FGF14: variants seen among roughly 807,000 people sequenced by gnomAD.
FGF14 encodes fibroblast growth factor 14.
Under a neutral mutation model 25.5 loss-of-function variants are expected in FGF14, and 5 were observed. The observed-to-expected ratio is 0.20, with a 90% CI of 0.10 to 0.41. The LOEUF (loss-of-function observed/expected upper bound fraction) is 0.41. FGF14 is among the 10% of genes least tolerant of loss of function. FGF14 has a pLI of 1.00. For missense variants in FGF14, 222 were observed against 320.1 expected (o/e 0.69, Z 2.34); for synonymous variants, 138 against 118.3 (o/e 1.17, Z -1.08).
intron 1 of FGF14, among the ~76,000 whole-genome samples, chr13:102,172,408 A>C (rs544355314): frequency 6.6e-6 from 1 of 152,182 alleles, no homozygotes; most frequent in South Asian, 2.1e-4. Flanking sequence ...CTTAACATAG[A>C]CTTGGGGCAT....
intron 3 of FGF14, among the ~76,000 whole-genome samples, chr13:101,743,855 T>C (rs1257113233): frequency 6.6e-6 from 1 of 152,206 alleles, no homozygotes; most frequent in Non-Finnish European, 1.5e-5. Flanking sequence ...TATATATACA[T>C]ATATAATTGC....
intron 1 of FGF14, among the ~76,000 whole-genome samples, chr13:102,060,299 G>C (rs1595139772): frequency 1.3e-5 from 2 of 152,192 alleles, no homozygotes; most frequent in South Asian, 4.1e-4. Flanking sequence ...GCTGAGGCCG[G>C]GGGATCATGA....
intron 3 of FGF14, among the ~76,000 whole-genome samples, chr13:101,789,261 T>TA (rs1019672431): frequency 7.9e-5 from 12 of 152,046 alleles, no homozygotes; most frequent in African/African-American, 2.9e-4. Context: ...TCCCACCACT[T>TA]ATATTCTCTT....
chr13:101,879,291 T>C (rs940603873), intron 1 of FGF14, among the ~76,000 whole-genome samples: 1 of 152,224 alleles, frequency 6.6e-6, no homozygotes, highest in Non-Finnish European at 1.5e-5. Flanking sequence ...CACAAAACTC[T>C]GTGCTAACAA....
chr13:102,033,110 T>G (rs1219987863), intron 1 of FGF14, among the ~76,000 whole-genome samples: 1 of 152,114 alleles, frequency 6.6e-6, no homozygotes, highest in Non-Finnish European at 1.5e-5. Context: ...CTTTAAAAGT[T>G]GGAATCCCTT....
chr13:101,756,391 G>GT (rs531143901), intron 3 of FGF14, among the ~76,000 whole-genome samples: 22 of 151,858 alleles, frequency 1.4e-4, no homozygotes, highest in Non-Finnish European at 2.8e-4. Flanking sequence ...GAGTTTAGTT[G>GT]TTTTTTTTAT....
At chr13:102,088,646 A>G (rs2044032654) in intron 1 of FGF14, among the ~76,000 whole-genome samples, 1 of 152,198 alleles carries the variant, frequency 6.6e-6, no homozygotes, top group Admixed American at 6.5e-5. Context: ...AAATATACAA[A>G]TATGTATTAA....
At chr13:102,312,573 T>A (rs927186401) in intron 1 of FGF14, among the ~76,000 whole-genome samples, 2 of 152,194 alleles carry the variant, frequency 1.3e-5, no homozygotes, top group African/African-American at 4.8e-5. Context: ...CAAACACTTA[T>A]GAATGGCATT....
At chr13:101,882,920 A>T (rs969362775) in intron 1 of FGF14, among the ~76,000 whole-genome samples, 2 of 151,854 alleles carry the variant, frequency 1.3e-5, no homozygotes, top group Non-Finnish European at 2.9e-5. Flanking sequence ...AGGAGATGGG[A>T]GTGATAAAAT....
intron 1 of FGF14, among the ~76,000 whole-genome samples, chr13:102,322,395 C>A (rs567214507): frequency 6.6e-6 from 1 of 151,966 alleles, no homozygotes; most frequent in Non-Finnish European, 1.5e-5. Flanking sequence ...CTGTCTGTCA[C>A]AATGCCAATG....
intron 3 of FGF14, among the ~76,000 whole-genome samples, chr13:101,758,562 A>G (rs568387569): frequency 1.1e-4 from 16 of 152,342 alleles, no homozygotes; most frequent in African/African-American, 3.8e-4. Flanking sequence ...TGGACCTAGT[A>G]ACAATAAAGA....
intron 1 of FGF14, among the ~76,000 whole-genome samples, chr13:102,126,378 T>G (rs775920794): frequency 9.8e-5 from 15 of 152,370 alleles, no homozygotes; most frequent in Middle Eastern, 6.8e-3. Context: ...GGTTCATTCA[T>G]GTTGTAGAAC....
intron 3 of FGF14, among the ~76,000 whole-genome samples, chr13:101,772,934 T>G (rs2038869449): frequency 6.6e-6 from 1 of 152,146 alleles, no homozygotes. Flanking sequence ...TATAATCAAT[T>G]TACTCTGTTG....
intron 1 of FGF14, among the ~76,000 whole-genome samples, chr13:102,285,084 T>TA (rs1482042716): frequency 6.6e-6 from 1 of 152,188 alleles, no homozygotes. Flanking sequence ...ACATATTTAT[T>TA]CATTTAGAAA....
intron 1 of FGF14, among the ~76,000 whole-genome samples, chr13:102,047,543 G>T (rs909369597): frequency 6.6e-6 from 1 of 151,622 alleles, no homozygotes; most frequent in Admixed American, 6.6e-5. Context: ...CATGGATGAA[G>T]CTGGAAACCA....
intron 3 of FGF14, among the ~76,000 whole-genome samples, chr13:101,842,796 T>C (rs974211463): frequency 2.4e-4 from 36 of 152,152 alleles, no homozygotes; most frequent in African/African-American, 6.7e-4. Context: ...TATTACATCA[T>C]GCATGCCAAT....
intron 3 of FGF14, among the ~76,000 whole-genome samples, chr13:101,832,682 G>A (rs564506702): frequency 3.3e-5 from 5 of 152,022 alleles, no homozygotes; most frequent in East Asian, 1.9e-4. Flanking sequence ...TCCCTACCCC[G>A]CTTTCATGTA....
chr13:102,111,866 A>C (rs1374295317), intron 1 of FGF14, among the ~76,000 whole-genome samples: 3 of 152,024 alleles, frequency 2.0e-5, no homozygotes, highest in Admixed American at 6.5e-5. Context: ...CCTTATTCTT[A>C]CCAACTTTGT....
intron 1 of FGF14, among the ~76,000 whole-genome samples, chr13:101,946,363 CAA>C (rs59866034): frequency 1.8e-3 from 166 of 91,924 alleles, no homozygotes; most frequent in African/African-American, 4.8e-3. Context: ...GCTTCTCCAT[CAA>C]AAAAAAAAAA....
Sources: allele counts gnomAD v4.1 joint callset (sites outside exome capture counted in the v4.1 genomes callset), GRCh38; gene constraint gnomAD v4.1.1; transcripts MANE v1.5; gene names NCBI Gene and HGNC (gene_info 2026-07-23, HGNC 2026-07-21).